The following ZBTB16 variants were observed in gnomAD, a reference collection of about 807,000 sequenced individuals.
ZBTB16 encodes the protein zinc finger and BTB domain-containing protein 16.
A neutral mutation model predicts 56.8 loss-of-function variants in ZBTB16; 8 were observed. That is an observed-to-expected ratio of 0.14 (90% CI 0.08 to 0.25). The LOEUF (loss-of-function observed/expected upper bound fraction) is 0.25, where lower values mean the gene tolerates loss of function less well. Ranked by LOEUF, ZBTB16 falls within the 10% of genes least tolerant of loss-of-function variation. The probability of loss-of-function intolerance (pLI) is 1.00; values close to 1 mark genes in which losing one functional copy is unlikely to be tolerated. For synonymous variants in ZBTB16, 363 were observed against 368.5 expected, an observed-to-expected ratio of 0.98 and a Z score of 0.17; for missense variants, 625 against 903.0, an observed-to-expected ratio of 0.69 and a Z score of 3.95.
intron 2 of ZBTB16, among the ~76,000 whole-genome samples, chr11:114,101,964 A>C (rs1186272220): frequency 1.3e-5 from 2 of 152,230 alleles, no homozygotes; most frequent in African/African-American, 2.4e-5. Flanking sequence ...TCTTTATGAA[A>C]TTGGATGTGG....
At chr11:114,222,918 G>C (rs1038134227) in intron 4 of ZBTB16, among the ~76,000 whole-genome samples, 3 of 152,194 alleles carry the variant, frequency 2.0e-5, no homozygotes, top group African/African-American at 4.8e-5. Flanking sequence ...TCTGAGGTCA[G>C]CTTATGTGCC....
At chr11:114,237,305 A>G (rs1349576226) in intron 4 of ZBTB16, 2 of 152,266 alleles carry the variant, frequency 1.3e-5, no homozygotes, top group African/African-American at 4.8e-5. Flanking sequence ...GAGCAAATGG[A>G]TCTGGTGAAA....
intron 4 of ZBTB16, among the ~76,000 whole-genome samples, chr11:114,203,529 GGT>G (rs1305040816): frequency 1.3e-5 from 2 of 151,984 alleles, no homozygotes; most frequent in African/African-American, 2.4e-5. Flanking sequence ...CTCCAGGCTG[GGT>G]AACAGAGCAA....
chr11:114,220,383 A>G (rs1343634833), intron 4 of ZBTB16, among the ~76,000 whole-genome samples: 1 of 152,078 alleles, frequency 6.6e-6, no homozygotes, highest in Non-Finnish European at 1.5e-5. Context: ...TGTGTGAGCA[A>G]TGCATGCATG....
chr11:114,174,961 G>A (rs574915771), intron 3 of ZBTB16, among the ~76,000 whole-genome samples: 8 of 152,334 alleles, frequency 5.3e-5, no homozygotes, highest in Admixed American at 3.3e-4. Flanking sequence ...GAGAACCTGG[G>A]CTGGATGTTG....
At chr11:114,178,214 C>A (rs920279433) in intron 3 of ZBTB16, among the ~76,000 whole-genome samples, 1 of 152,110 alleles carries the variant, frequency 6.6e-6, no homozygotes, top group Non-Finnish European at 1.5e-5. Flanking sequence ...GTGTCTTATA[C>A]CTTGCTATTA....
chr11:114,120,008 CAG>C (rs768282534), intron 2 of ZBTB16, among the ~76,000 whole-genome samples: 1 of 152,164 alleles, frequency 6.6e-6, no homozygotes, highest in Non-Finnish European at 1.5e-5. Context: ...AGAAAGATTG[CAG>C]AGTCTTCTCT....
intron 2 of ZBTB16, among the ~76,000 whole-genome samples, chr11:114,106,915 T>G (rs1322833532): frequency 6.6e-6 from 1 of 152,218 alleles, no homozygotes; most frequent in Non-Finnish European, 1.5e-5. Context: ...ATTTTCCCTT[T>G]ATACCAGCTC....
At chr11:114,214,915 G>A (rs993746177) in intron 4 of ZBTB16, among the ~76,000 whole-genome samples, 2 of 151,972 alleles carry the variant, frequency 1.3e-5, no homozygotes, top group Non-Finnish European at 1.5e-5. Context: ...AAAGGCAGAC[G>A]TGAGTGATGA....
intron 4 of ZBTB16, among the ~76,000 whole-genome samples, chr11:114,232,590 C>G (rs1591801692): frequency 9.1e-6 from 1 of 109,982 alleles, no homozygotes; most frequent in African/African-American, 4.1e-5. Flanking sequence ...GATGCCCCAC[C>G]CAGGGTTGGG....
At chr11:114,131,555 C>T (rs1941660565) in intron 2 of ZBTB16, among the ~76,000 whole-genome samples, 1 of 152,174 alleles carries the variant, frequency 6.6e-6, no homozygotes, top group African/African-American at 2.4e-5. Context: ...GATGGCCCTC[C>T]AGTGAATGCC....
intron 2 of ZBTB16, among the ~76,000 whole-genome samples, chr11:114,132,539 G>A (rs1283505517): frequency 6.6e-6 from 1 of 152,174 alleles, no homozygotes; most frequent in Non-Finnish European, 1.5e-5. Flanking sequence ...TAGACAAGTT[G>A]CTTACCCTCC....
At chr11:114,157,784 C>T (rs147597909) in intron 3 of ZBTB16, among the ~76,000 whole-genome samples, 7 of 152,282 alleles carry the variant, frequency 4.6e-5, no homozygotes, top group Middle Eastern at 3.4e-3. Context: ...CTCTTCCAGG[C>T]GCACGGATTT....
Position 114,156,322 on chromosome 11 carries a change from T to A in ZBTB16, c.1269-15T>A, listed in dbSNP as rs762230974. 47 of 1,614,044 alleles carry A rather than the reference T, an allele frequency of 2.9e-5. No homozygotes were observed. Among genetic ancestry groups the A allele is most frequent in the Non-Finnish European group, 3.9e-5 (46 of 1,179,914 alleles). On this transcript the variant is annotated splice_polypyrimidine_tract_variant and intron_variant, in intron 2 of 6. Transcript: ENST00000335953. ...GCCAGAGCAGCAGCAACCTCTCTTT[T>A]CCTTTCCCTTACAGGAAGCTGCACA...
At chr11:114,066,928 G>A (rs1442873669) in intron 2 of ZBTB16, among the ~76,000 whole-genome samples, 2 of 151,798 alleles carry the variant, frequency 1.3e-5, no homozygotes, top group African/African-American at 2.4e-5. Flanking sequence ...CTGTCACCCC[G>A]CCCAGCTAAT....
rs2075690236 is a variant in ZBTB16 at position 114,250,648 on chromosome 11, AG to A, written c.*94del. On this transcript the variant is annotated 3_prime_UTR_variant, in exon 7 of 7. Transcript: ENST00000335953. This position sits in a 1 kb window ranked among gnomAD's most constrained non-coding sequence, Gnocchi z 6.0. Reference sequence around the variant, plus strand: ...GGACTATGACAAATAAAAAAGGAAAAGAAAAAAAAAAACAGAAGGAAAAGGA... The same window carrying A: ...GGACTATGACAAATAAAAAAGGAAAAAAAAAAAAAAACAGAAGGAAAAGGA... 2.4e-5 allele frequency: 33 copies of A among 1,368,102 alleles called. No individual in the cohort carries two copies. Among genetic ancestry groups the A allele is most frequent in the Non-Finnish European group, 3.0e-5 (30 of 994,788 alleles). 84.7% of individuals were successfully genotyped at this position (1,368,102 alleles called of 1,614,324 possible). A position where few individuals can be genotyped will look rare whatever the true frequency, so the allele number is the denominator to read the frequency against.
intron 3 of ZBTB16, among the ~76,000 whole-genome samples, chr11:114,162,350 A>G (rs1360437893): frequency 1.3e-5 from 2 of 152,234 alleles, no homozygotes; most frequent in African/African-American, 4.8e-5. Context: ...TTCTCCTCAA[A>G]GACAGAGAAG....
intron 3 of ZBTB16, among the ~76,000 whole-genome samples, chr11:114,173,722 G>A (rs931382755): frequency 8.5e-5 from 13 of 152,192 alleles, no homozygotes; most frequent in African/African-American, 3.1e-4. Context: ...TGCTCGACAA[G>A]CCTTGATTAA....
intron 3 of ZBTB16, among the ~76,000 whole-genome samples, chr11:114,157,283 G>A (rs1055589034): frequency 3.3e-5 from 5 of 152,144 alleles, no homozygotes; most frequent in African/African-American, 1.2e-4. Context: ...TTGGGGTCAG[G>A]CAGAGAAAGG....
Sources: gnomAD v4.1 joint callset for allele counts (sites outside exome capture counted in the v4.1 genomes callset) on GRCh38, gnomAD v4.1.1 for gene constraint, Gnocchi (gnomAD v3.1) non-coding constraint, MANE v1.5 for transcripts, NCBI Gene and HGNC (gene_info 2026-07-23, HGNC 2026-07-21) for gene names.